The following PDGFC variants were observed in gnomAD, a reference collection of about 807,000 sequenced individuals.
The protein encoded by PDGFC is platelet-derived growth factor C.
A neutral mutation model predicts 35.5 loss-of-function variants in PDGFC; 12 were observed. The ratio of observed to expected loss-of-function variants is 0.34; its 90% CI spans 0.22 to 0.55. The LOEUF (loss-of-function observed/expected upper bound fraction) is 0.55, where lower values mean the gene tolerates loss of function less well. Among genes scored for constraint, PDGFC ranks in the 20% least tolerant of loss-of-function variants. The pLI is 0.91. For missense variants in PDGFC, 322 were observed against 412.4 expected (o/e 0.78, Z 1.90); for synonymous variants, 159 against 148.8 (o/e 1.07, Z -0.50).
Position 156,902,069 on chromosome 4 carries a change from G to A in PDGFC, c.119-51653C>T, listed in dbSNP as rs73856785. On this transcript the variant is annotated intron_variant, in intron 1 of 5. Coordinates refer to ENST00000502773, the MANE Select transcript of PDGFC (RefSeq NM_016205.3). ...TTTGGAGTCCTCCACATAAAGATGA[G>A]TAATGAAGACCAAAATAGTAAATAT... Among the ~76,000 whole-genome samples, 1,186 of 152,242 alleles carry A rather than the reference G, an allele frequency of 7.8e-3. 9 individuals are homozygous for A. Among genetic ancestry groups the A allele is most frequent in the African/African-American group, 0.027 (1,110 of 41,532 alleles).
intron 2 of PDGFC, among the ~76,000 whole-genome samples, chr4:156,817,394 A>G (rs147847712): frequency 6.6e-6 from 1 of 152,210 alleles, no homozygotes; most frequent in Admixed American, 6.5e-5. Flanking sequence ...CACAAGTAAG[A>G]CTATATTTTA....
Position 156,971,513 on chromosome 4 carries a change from C to G in PDGFC, c.-610G>C, listed in dbSNP as rs1732594307. The G allele has an allele frequency of 1.0e-5, 2 of 196,258 alleles. No homozygotes were observed. Among genetic ancestry groups the G allele is most frequent in the Non-Finnish European group, 2.0e-5 (2 of 98,762 alleles). 12.2% of individuals were successfully genotyped at this position (196,258 alleles called of 1,614,324 possible). A position where few individuals can be genotyped will look rare whatever the true frequency, so the allele number is the denominator to read the frequency against. On this transcript the variant is annotated 5_prime_UTR_variant, in exon 1 of 6. Coordinates refer to ENST00000502773, the MANE Select transcript of PDGFC (RefSeq NM_016205.3). ...GGAGCGGGGCCGGGGGGCTCCGGGC[C>G]GACGGCGGCCCGGGCGCAGGCGGAG...
At chr4:156,774,246 G>A (rs546426349) in intron 3 of PDGFC, 39 of 152,264 alleles carry the variant, frequency 2.6e-4, no homozygotes, top group African/African-American at 9.4e-4. Context: ...GTTCCAATCA[G>A]TCTAGTCTCT....
At chr4:156,913,289 C>A (rs1351739466) in intron 1 of PDGFC, among the ~76,000 whole-genome samples, 3 of 152,088 alleles carry the variant, frequency 2.0e-5, no homozygotes, top group Non-Finnish European at 4.4e-5. Flanking sequence ...CAGAGCCCTA[C>A]AACGGAGTTG....
rs112761974 is a variant in PDGFC at position 156,893,282 on chromosome 4, G to A, written c.119-42866C>T. The stretch of plus-strand genomic sequence containing the variant: ...ATACATATTTTAACTTCGTTCAGGT[G>A]ATCTATGGTAAGACAGACCATATAG... On this transcript the variant is annotated intron_variant, in intron 1 of 5. Transcript: ENST00000502773. Among the ~76,000 whole-genome samples, 638 of 151,724 alleles carry A rather than the reference G, an allele frequency of 4.2e-3. 4 individuals are homozygous for A. Among genetic ancestry groups the A allele is most frequent in the African/African-American group, 0.014 (590 of 41,384 alleles).
At chr4:156,841,744 G>A (rs570023496) in intron 2 of PDGFC, among the ~76,000 whole-genome samples, 23 of 152,092 alleles carry the variant, frequency 1.5e-4, no homozygotes, top group Admixed American at 1.4e-3. Flanking sequence ...GACCTCTGGT[G>A]AGCCACCTAT....
At chr4:156,767,629 A>T in intron 5 of PDGFC, 144 bp downstream of exon 5, 1 of 609,842 alleles carries the variant, frequency 1.6e-6, no homozygotes, top group Non-Finnish European at 2.9e-6. Context: ...TTTAAAAAAC[A>T]AAAACATAAA....
intron 1 of PDGFC, among the ~76,000 whole-genome samples, chr4:156,878,510 A>G (rs1392703848): frequency 6.6e-6 from 1 of 152,228 alleles, no homozygotes; most frequent in Admixed American, 6.5e-5. Context: ...CAGAACTGAC[A>G]GTGATACAGG....
intron 1 of PDGFC, chr4:156,876,407 T>C (rs1396091370): frequency 6.6e-6 from 1 of 152,202 alleles, no homozygotes; most frequent in Non-Finnish European, 1.5e-5. Flanking sequence ...ACAGCTAATA[T>C]TAATTGTGTA....
chr4:156,818,417 G>C (rs1732151648), intron 2 of PDGFC, among the ~76,000 whole-genome samples: 1 of 150,820 alleles, frequency 6.6e-6, no homozygotes, highest in Non-Finnish European at 1.5e-5. Context: ...CTTCACCGGA[G>C]TTGTGCTCAT....
intron 1 of PDGFC, among the ~76,000 whole-genome samples, chr4:156,860,131 T>C (rs1729675616): frequency 6.6e-6 from 1 of 152,162 alleles, no homozygotes; most frequent in South Asian, 2.1e-4. Context: ...TTTATGAGGC[T>C]CACCAAAATT....
rs566435019 is a variant in PDGFC, at chr4:156,905,165, A to C, written c.119-54749T>G. Among the ~76,000 whole-genome samples the C allele has an allele frequency of 2.0e-5, 3 of 152,242 alleles. No homozygotes were observed. In the South Asian group the frequency reaches 6.2e-4, roughly 32 times the overall value. On this transcript the variant is annotated intron_variant, in intron 1 of 5. Transcript: ENST00000502773. ...TCTTGAGATAGGCTTAGATTGAGAA[A>C]TAAATACTAATTTCAAATATAACCT...
At chr4:156,822,001 C>A (rs1378154000) in intron 2 of PDGFC, among the ~76,000 whole-genome samples, 4 of 151,936 alleles carry the variant, frequency 2.6e-5, no homozygotes, top group Non-Finnish European at 5.9e-5. Flanking sequence ...AATTTAGGAC[C>A]AATATACAAA....
intron 5 of PDGFC, 75 bp downstream of exon 5, chr4:156,767,698 C>T (rs1156422803): frequency 9.0e-6 from 8 of 885,896 alleles, no homozygotes; most frequent in African/African-American, 3.3e-5. Flanking sequence ...CAAACATAAA[C>T]GCATTTCAGA....
At chr4:156,818,986 T>TA (rs755075039) in intron 2 of PDGFC, among the ~76,000 whole-genome samples, 75 of 152,194 alleles carry the variant, frequency 4.9e-4, no homozygotes, top group Non-Finnish European at 4.6e-4. Flanking sequence ...TTGCTCAAAT[T>TA]AAAAAAATGT....
chr4:156,931,817 T>G (rs1054118569), intron 1 of PDGFC, among the ~76,000 whole-genome samples: 1 of 152,238 alleles, frequency 6.6e-6, no homozygotes, highest in East Asian at 1.9e-4. Flanking sequence ...TAGGAGTTTT[T>G]TTTTTGTTAA....
Position 156,971,453 on chromosome 4 carries a change from A to AG in PDGFC, c.-551dup, listed in dbSNP as rs1168877930. ...AGGGGGAGGGGGAAGAAACAAGGCG[A>AG]GGGCGCCGCGGCGGGTCCCACGGGC... On this transcript the variant is annotated 5_prime_UTR_variant, in exon 1 of 6. Transcript: ENST00000502773. 1.9e-5 allele frequency: 4 copies of AG among 212,816 alleles called. No homozygotes were observed. Among genetic ancestry groups the AG allele is most frequent in the Non-Finnish European group, 2.7e-5 (3 of 109,524 alleles). The allele number at this position is 212,816 out of a possible 1,614,324, so 13.2% of individuals were successfully genotyped here. A position where few individuals can be genotyped will look rare whatever the true frequency, so the allele number is the denominator to read the frequency against.
At chr4:156,788,475 G>A (rs1193683209) in intron 3 of PDGFC, among the ~76,000 whole-genome samples, 1 of 152,134 alleles carries the variant, frequency 6.6e-6, no homozygotes, top group African/African-American at 2.4e-5. Context: ...ACTTAGCAGG[G>A]CCAAAAATCC....
At chr4:156,813,850 C>T (rs1267576629) in intron 2 of PDGFC, among the ~76,000 whole-genome samples, 1 of 152,084 alleles carries the variant, frequency 6.6e-6, no homozygotes, top group East Asian at 1.9e-4. Flanking sequence ...AATTGAAGAT[C>T]TGGTAATAAT....
Sources: allele counts gnomAD v4.1 joint callset (sites outside exome capture counted in the v4.1 genomes callset), GRCh38; gene constraint gnomAD v4.1.1; transcripts MANE v1.5; gene names NCBI Gene and HGNC (gene_info 2026-07-23, HGNC 2026-07-21).